Variants in C9 observed in about 807,000 individuals in gnomAD.
The protein encoded by C9 is complement component C9.
In C9, 63 loss-of-function variants were observed where a neutral mutation model predicts 65.4. The observed-to-expected ratio is 0.96, with a 90% CI of 0.79 to 1.19. The LOEUF (loss-of-function observed/expected upper bound fraction) is 1.19, where lower values mean the gene tolerates loss of function less well. C9 is among the 50% of genes most tolerant of loss of function. The pLI, the probability that C9 is intolerant of heterozygous loss-of-function variation, is 0.00. For synonymous variants in C9, 229 were observed against 227.9 expected, an observed-to-expected ratio of 1.00 and a Z score of -0.04; for missense variants, 744 against 670.1, an observed-to-expected ratio of 1.11 and a Z score of -1.22.
intron 5 of C9, 50 bp from the exon 6 acceptor site, chr5:39,316,079 GA>G (rs1350611254): frequency 6.7e-7 from 1 of 1,499,198 alleles, no homozygotes; most frequent in Non-Finnish European, 9.2e-7. Flanking sequence ...GAAACAAAAG[GA>G]AAAACAAGCA....
chr5:39,291,901 T>C (rs992717515), intron 9 of C9, among the ~76,000 whole-genome samples: 9 of 151,304 alleles, frequency 5.9e-5, no homozygotes, highest in Non-Finnish European at 1.2e-4. Flanking sequence ...TGCAAAGAGA[T>C]AAAAGAATTG....
At chr5:39,291,211 A>G (rs1333581715) in intron 9 of C9, among the ~76,000 whole-genome samples, 1 of 151,880 alleles carries the variant, frequency 6.6e-6, no homozygotes, top group Non-Finnish European at 1.5e-5. Flanking sequence ...GAGATAAGAG[A>G]CAAGTCTGAA....
intron 9 of C9, among the ~76,000 whole-genome samples, chr5:39,290,859 C>T (rs757767941): frequency 6.6e-6 from 1 of 151,768 alleles, no homozygotes; most frequent in Non-Finnish European, 1.5e-5. Flanking sequence ...GATTTGGGGA[C>T]TAAGAGGGAA....
At chr5:39,335,516 T>C (rs1286767171) in intron 4 of C9, among the ~76,000 whole-genome samples, 1 of 152,224 alleles carries the variant, frequency 6.6e-6, no homozygotes. Context: ...TTTTCTCTTG[T>C]AGTATAGCAA....
intron 1 of C9, among the ~76,000 whole-genome samples, chr5:39,362,863 G>A (rs931515140): frequency 2.6e-5 from 4 of 152,164 alleles, no homozygotes; most frequent in Admixed American, 2.0e-4. Context: ...GGCAACCGGG[G>A]CAAACTCAAG....
chr5:39,347,608 T>C (rs549318477), intron 1 of C9, among the ~76,000 whole-genome samples: 1 of 152,152 alleles, frequency 6.6e-6, no homozygotes, highest in Non-Finnish European at 1.5e-5. Context: ...AGGTAATTTA[T>C]AGATTCAATG....
At chr5:39,362,300 C>T (rs1754535623) in intron 1 of C9, among the ~76,000 whole-genome samples, 2 of 152,048 alleles carry the variant, frequency 1.3e-5, no homozygotes, top group Admixed American at 6.6e-5. Flanking sequence ...TGACTGGTGT[C>T]CTTTTAAAAA....
intron 9 of C9, among the ~76,000 whole-genome samples, chr5:39,305,189 C>T (rs1425415093): frequency 6.6e-6 from 1 of 152,048 alleles, no homozygotes; most frequent in Admixed American, 6.6e-5. Context: ...AAAGAGGCAT[C>T]CTCTGATTTT....
rs1752972395 is a variant in C9 at position 39,285,343 on chromosome 5, A to G, written c.1646-110T>C. On this transcript the variant is annotated intron_variant, in intron 10 of 10. Coordinates refer to ENST00000263408, the MANE Select transcript of C9 (RefSeq NM_001737.5). ...TTATCCTCTTGCACCACGTTGTGCC[A>G]TACTGTCTAGGTACTGGGAATAGAA... The G allele has an allele frequency of 2.3e-5, 19 of 833,724 alleles. No homozygotes were observed. The South Asian group carries it at 2.3e-4, about 10-fold the overall frequency. 51.6% of individuals were successfully genotyped at this position (833,724 alleles called of 1,614,324 possible). A position where few individuals can be genotyped will look rare whatever the true frequency, so the allele number is the denominator to read the frequency against.
intron 1 of C9, among the ~76,000 whole-genome samples, chr5:39,352,002 T>C (rs1754332561): frequency 6.6e-6 from 1 of 152,062 alleles, no homozygotes; most frequent in Admixed American, 6.6e-5. Flanking sequence ...AGAAAAAAGG[T>C]TGAATTGACA....
Position 39,311,210 on chromosome 5 carries a change from G to A in C9, c.1038C>T (p.Tyr346=), listed in dbSNP as rs1003892421. The A allele has an allele frequency of 6.2e-7, 1 of 1,612,196 alleles. No individual in the cohort carries two copies. The highest frequency in any genetic ancestry group is 2.2e-5 in the East Asian group (1 of 44,872). The part of the protein sequence containing the change: ...FAFLETYGTH[Y]SSSGSLGGLY... ...GTCCTCCTAGAGACCCAGAGCTACTGTAGTGAGTTCCATAGGTTTCCAAAA... is the reference window on the plus strand; with the variant it reads ...GTCCTCCTAGAGACCCAGAGCTACTATAGTGAGTTCCATAGGTTTCCAAAA... Residue 346 remains tyrosine, a synonymous_variant, in exon 7 of 11, where the codon TAC becomes TAT. Transcript: ENST00000263408.
At chr5:39,341,815 G>T in intron 2 of C9, 115 bp from the exon 3 acceptor site, 1 of 1,009,446 alleles carries the variant, frequency 9.9e-7, no homozygotes, top group Non-Finnish European at 1.5e-6. Context: ...TAAGATAGAA[G>T]TGGTGGAAGA....
At position 39,306,780 on chromosome 5, in the gene C9, C is replaced by A. The variant is rs1163744146; in HGVS notation, c.1253G>T (p.Ser418Ile). The change falls in exon 9 of 11, where the codon AGT becomes ATT. Residue 418 changes from serine (S) to isoleucine (I), a missense_variant. Physicochemically the swap from Ser to Ile is moderately radical, Grantham distance 142 (BLOSUM62 -2). Transcript: ENST00000263408. Reference sequence around the variant, plus strand: ...AACAACATCATCTATGAGGTTTTCACTGGTGATGTTTACTGAGGAGAGAAG... The same window carrying A: ...AACAACATCATCTATGAGGTTTTCAATGGTGATGTTTACTGAGGAGAGAAG... ...RGEGRAVNITSENLIDDVVSL... is the reference protein window; with the variant it reads ...RGEGRAVNITIENLIDDVVSL... The A allele has an allele frequency of 6.2e-7, 1 of 1,610,838 alleles. No individual in the cohort carries two copies. Among genetic ancestry groups the A allele is most frequent in the Non-Finnish European group, 8.5e-7 (1 of 1,177,404 alleles).
Position 39,342,173 on chromosome 5 carries a change from C to T in C9, c.101G>A (p.Ser34Asn). Residue 34 changes from serine (S) to asparagine (N), a missense_variant, in exon 2 of 11, where the codon AGC becomes AAC. Ser to Asn is a conservative substitution (Grantham distance 46, BLOSUM62 1). Coordinates refer to ENST00000263408, the MANE Select transcript of C9 (RefSeq NM_001737.5). ...TTSYDPELTE[S>N]SGSASHIDCR... is the part of the protein sequence containing the mutation. ...GTCTATGTGTGATGCAGAGCCACTG[C>T]TTTCTGTTAGCTCTGGGTCATAACT... 6.2e-7 allele frequency: 1 copy of T among 1,602,332 alleles called. No individual in the cohort carries two copies. Among genetic ancestry groups the T allele is most frequent in the South Asian group, 1.1e-5 (1 of 90,862 alleles).
chr5:39,342,371 TC>T (rs1754103511), intron 1 of C9, among the ~76,000 whole-genome samples, 175 bp from the exon 2 acceptor site: 2 of 152,244 alleles, frequency 1.3e-5, no homozygotes, highest in Admixed American at 1.3e-4. Context: ...TTTCAACTCA[TC>T]TTTTTGTTAA....
intron 1 of C9, among the ~76,000 whole-genome samples, chr5:39,352,440 C>A (rs191481202): frequency 1.8e-3 from 274 of 152,310 alleles, no homozygotes; most frequent in Non-Finnish European, 3.1e-3. Flanking sequence ...CAAATGAGTG[C>A]GTTAATTTTT....
At chr5:39,321,389 C>G (rs968877578) in intron 5 of C9, among the ~76,000 whole-genome samples, 2 of 151,912 alleles carry the variant, frequency 1.3e-5, no homozygotes, top group East Asian at 3.8e-4. Flanking sequence ...CATGGTAACT[C>G]ATGAAAACCA....
At chr5:39,308,539 T>G (rs1225599113) in intron 7 of C9, among the ~76,000 whole-genome samples, 181 bp from the exon 8 acceptor site, 12 of 152,202 alleles carry the variant, frequency 7.9e-5, no homozygotes, top group Admixed American at 7.9e-4. Context: ...GACCTCCTTT[T>G]GACTTTGCTT....
At chr5:39,346,709 A>T (rs1342413122) in intron 1 of C9, among the ~76,000 whole-genome samples, 1 of 152,224 alleles carries the variant, frequency 6.6e-6, no homozygotes, top group South Asian at 2.1e-4. Context: ...TCTGGCAAAG[A>T]CACAACAAAA....
Sources: allele counts gnomAD v4.1 joint callset (sites outside exome capture counted in the v4.1 genomes callset), GRCh38; gene constraint gnomAD v4.1.1; transcripts MANE v1.5; gene names NCBI Gene and HGNC (gene_info 2026-07-23, HGNC 2026-07-21).